HAUS7: variants seen among roughly 807,000 people sequenced by gnomAD.
The protein encoded by HAUS7 is HAUS augmin-like complex subunit 7.
In HAUS7, 3 loss-of-function variants were observed where a neutral mutation model predicts 28.4. The ratio of observed to expected loss-of-function variants is 0.11; its 90% CI spans 0.05 to 0.27. The LOEUF (loss-of-function observed/expected upper bound fraction) is 0.27. Among genes scored for constraint, HAUS7 ranks in the 10% least tolerant of loss-of-function variants. The pLI is 1.00. For synonymous variants in HAUS7, 165 were observed against 132.1 expected, an observed-to-expected ratio of 1.25 and a Z score of -1.71; for missense variants, 284 against 297.3, an observed-to-expected ratio of 0.96 and a Z score of 0.33.
intron 2 of HAUS7, among the ~76,000 whole-genome samples, chrX:153,467,878 C>T (rs991903691): frequency 8.9e-5 from 10 of 112,672 alleles, no homozygotes; most frequent in South Asian, 3.6e-4. Context: ...CAGAGGGAAG[C>T]GGAATACATT....
At chrX:153,483,918 G>T (rs781949517) in intron 1 of HAUS7, among the ~76,000 whole-genome samples, 2 of 112,454 alleles carry the variant, frequency 1.8e-5, no homozygotes, top group African/African-American at 6.5e-5. Flanking sequence ...GAAGGGCTGG[G>T]GGCACAGGAA....
At chrX:153,464,367 C>T (rs1228236678) in intron 3 of HAUS7, among the ~76,000 whole-genome samples, 3 of 112,669 alleles carry the variant, frequency 2.7e-5, no homozygotes, top group African/African-American at 9.7e-5. Context: ...CTTCTTCTGG[C>T]CCACTTCAGC....
intron 1 of HAUS7, among the ~76,000 whole-genome samples, chrX:153,475,633 G>A (rs977879804): frequency 2.4e-4 from 27 of 112,466 alleles, no homozygotes; most frequent in African/African-American, 8.7e-4. Context: ...TGACATATAA[G>A]ATAGCTGCAG....
intron 1 of HAUS7, among the ~76,000 whole-genome samples, chrX:153,486,302 C>T (rs191126858): frequency 8.9e-6 from 1 of 112,955 alleles, no homozygotes; most frequent in East Asian, 2.8e-4. Context: ...TCCAGCCATC[C>T]ACCCATCTTG....
At chrX:153,484,439 A>G (rs1162108547) in intron 1 of HAUS7, among the ~76,000 whole-genome samples, 1 of 111,960 alleles carries the variant, frequency 8.9e-6, no homozygotes, top group Non-Finnish European at 1.9e-5. Context: ...CACGGCAACC[A>G]GATGCTGTAG....
rs782023059 is a variant in HAUS7 at position 153,456,558 on chromosome X, T to C, written c.540A>G (p.Pro180=). ...TGTCCAGGGGCCACGGGTCGCACTC[T>C]GGATTCAGGAGCATCTGCAGGTGGG... The part of the protein sequence containing the change: ...SSPHLQMLLN[P]ECDPWPLDMQ... Residue 180 remains proline (P), a synonymous_variant, in exon 6 of 10, where the codon CCA becomes CCG. Coordinates refer to ENST00000370211, the MANE Select transcript of HAUS7 (RefSeq NM_001385482.1). 5 of 1,176,650 alleles carry C rather than the reference T, an allele frequency of 4.2e-6. No individual in the cohort carries two copies. The highest frequency in any genetic ancestry group is 1.8e-5 in the African/African-American group (1 of 56,551).
Position 153,454,520 on chromosome X carries a change from G to A in HAUS7, c.931-12C>T, listed in dbSNP as rs782374980. 3 of 533,598 alleles carry A rather than the reference G, an allele frequency of 5.6e-6. No homozygotes were observed. The highest frequency in any genetic ancestry group is 5.9e-4 in the Middle Eastern group (1 of 1,703). The allele number at this position is 533,598 out of a possible 1,213,427, so 44.0% of individuals were successfully genotyped here. A position where few individuals can be genotyped will look rare whatever the true frequency, so the allele number is the denominator to read the frequency against. On this transcript the variant is annotated splice_polypyrimidine_tract_variant and intron_variant, in intron 8 of 9. Coordinates refer to ENST00000370211, the MANE Select transcript of HAUS7 (RefSeq NM_001385482.1). ...ACCACTTGCAGCAGCTGGGGAGGGAGGGAGGGAGGGAGGGAGGGAGGGAGG... is the reference window on the plus strand; with the variant it reads ...ACCACTTGCAGCAGCTGGGGAGGGAAGGAGGGAGGGAGGGAGGGAGGGAGG...
intron 1 of HAUS7, among the ~76,000 whole-genome samples, chrX:153,487,484 C>A (rs920389894): frequency 8.9e-6 from 1 of 112,131 alleles, no homozygotes; most frequent in Non-Finnish European, 1.9e-5. Context: ...CACCTCCCCC[C>A]CATTCCTGGC....
At chrX:153,479,342 T>G (rs1234952225) in intron 1 of HAUS7, 7 of 753,088 alleles carry the variant, frequency 9.3e-6, no homozygotes, top group Middle Eastern at 7.4e-4. Context: ...CCCATGGGCT[T>G]GGCTACCCTG....
chrX:153,470,669 C>T, upstream of HAUS7: 3 of 1,055,968 alleles, frequency 2.8e-6, no homozygotes, highest in Non-Finnish European at 3.8e-6. Context: ...ACCCCCTTCC[C>T]GACCGACCCT....
chrX:153,486,951 C>A, intron 1 of HAUS7: 9 of 472,576 alleles, frequency 1.9e-5, no homozygotes, highest in Non-Finnish European at 2.8e-5. Context: ...TTCCCATTGA[C>A]TGGTGAGGCC....
rs1287737670 is a variant in HAUS7 at position 153,455,630 on chromosome X, C to T, written c.842G>A (p.Gly281Asp). 1 of 1,207,854 alleles carries T rather than the reference C, an allele frequency of 8.3e-7. No individual in the cohort carries two copies. The highest frequency in any genetic ancestry group is 1.1e-6 in the Non-Finnish European group (1 of 892,786). ...AFLQVYDDELGECCQRPGPDL... is the reference protein window; with the variant it reads ...AFLQVYDDELDECCQRPGPDL... ...AGGGCCTGGGCGCTGGCAGCACTCG[C>T]CCAGCTCGTCGTCGTAGACTTGGAG... Residue 281 changes from glycine to aspartate, a missense_variant, in exon 8 of 10, where the codon GGC becomes GAC. Gly to Asp is a moderately conservative substitution (Grantham distance 94, BLOSUM62 -1). Transcript: ENST00000370211.
intron 8 of HAUS7, 120 bp downstream of exon 8, chrX:153,455,422 C>T (rs2089293026): frequency 1.0e-5 from 5 of 499,666 alleles, no homozygotes; most frequent in Non-Finnish European, 1.7e-5. Context: ...AGCCCCTGGT[C>T]CTGCCCTGTG....
intron 1 of HAUS7, among the ~76,000 whole-genome samples, chrX:153,476,372 G>A (rs782523023): frequency 3.6e-5 from 4 of 112,194 alleles, no homozygotes; most frequent in Admixed American, 2.8e-4. Context: ...TCCAGTCCTC[G>A]TTGATGACAG....
intron 9 of HAUS7, among the ~76,000 whole-genome samples, chrX:153,449,322 G>A (rs782084063): frequency 7.1e-5 from 8 of 112,327 alleles, no homozygotes; most frequent in African/African-American, 2.6e-4. Context: ...GTGCCTCGGG[G>A]TGACACCGAG....
intron 7 of HAUS7, 26 bp downstream of exon 7, chrX:153,456,239 C>A (rs1556982130): frequency 8.8e-7 from 1 of 1,140,879 alleles, no homozygotes. Flanking sequence ...TCCAAGCAAC[C>A]CCCTCCCAGG....
At chrX:153,484,923 A>C (rs1443764231) in intron 1 of HAUS7, among the ~76,000 whole-genome samples, 4 of 112,813 alleles carry the variant, frequency 3.5e-5, no homozygotes, top group Non-Finnish European at 7.5e-5. Context: ...GCAGCCCAAA[A>C]GGCTGACCCT....
intron 8 of HAUS7, 33 bp from the exon 9 acceptor site, chrX:153,454,541 G>T: frequency 2.1e-6 from 1 of 474,905 alleles, no homozygotes; most frequent in Admixed American, 2.9e-5. Context: ...AGGGAGGGAG[G>T]GAGGGAGCGA....
Position 153,466,059 on chromosome X carries a change from G to A in HAUS7, c.225-1004C>T, listed in dbSNP as rs782118009. Among the ~76,000 whole-genome samples, 310 of 112,923 alleles carry A rather than the reference G, an allele frequency of 2.7e-3. 1 individual carries two copies. The highest frequency in any genetic ancestry group is 4.4e-3 in the Non-Finnish European group (232 of 53,325). On this transcript the variant is annotated intron_variant, in intron 2 of 9. Coordinates refer to ENST00000370211, the MANE Select transcript of HAUS7 (RefSeq NM_001385482.1). ...AAAGGGCTGGTGGCTGTTCCCTGGA[G>A]AGGCCACACTTGCCCCAGAACTGCA...
Sources: gnomAD v4.1 joint callset for allele counts (sites outside exome capture counted in the v4.1 genomes callset) on GRCh38, gnomAD v4.1.1 for gene constraint, MANE v1.5 for transcripts, NCBI Gene and HGNC (gene_info 2026-07-23, HGNC 2026-07-21) for gene names.